Variants in GRK4 observed in about 807,000 individuals in gnomAD.
The protein encoded by GRK4 is G protein-coupled receptor kinase 4.
A neutral mutation model predicts 77.9 loss-of-function variants in GRK4; 73 were observed. The ratio of observed to expected loss-of-function variants is 0.94; its 90% CI spans 0.78 to 1.14. The LOEUF (loss-of-function observed/expected upper bound fraction) is 1.14. Among genes scored for constraint, GRK4 ranks in the 50% most tolerant of loss-of-function variants. The pLI is 0.00. For missense variants in GRK4, 729 were observed against 700.2 expected (o/e 1.04, Z -0.46); for synonymous variants, 257 against 254.4 (o/e 1.01, Z -0.10).
At chr4:3,013,900 CA>C in intron 8 of GRK4, 72 bp downstream of exon 8, 3 of 1,475,288 alleles carry the variant, frequency 2.0e-6, no homozygotes, top group Non-Finnish European at 2.7e-6. Flanking sequence ...ACATGCCGCT[CA>C]GCTCACGCTC....
Position 3,035,381 on chromosome 4 carries a change from T to C in GRK4, c.1270-5T>C. On this transcript the variant is annotated splice_polypyrimidine_tract_variant and splice_region_variant and intron_variant, in intron 12 of 15. Coordinates refer to ENST00000398052, the MANE Select transcript of GRK4 (RefSeq NM_182982.3). ...TCAAGTGGGTTGCATTTCTGCCTCT[T>C]GCAGTTACTCACCAAGAATCCAAGC... 6.2e-7 allele frequency: 1 copy of C among 1,613,934 alleles called. No homozygotes were observed. Among genetic ancestry groups the C allele is most frequent in the Non-Finnish European group, 8.5e-7 (1 of 1,179,974 alleles).
intron 11 of GRK4, 149 bp downstream of exon 11, chr4:3,028,150 A>G (rs1047377533): frequency 2.9e-6 from 2 of 681,528 alleles, no homozygotes; most frequent in Non-Finnish European, 5.2e-6. Flanking sequence ...CTAACCTGTC[A>G]GAGTGTTGAG....
intron 11 of GRK4, among the ~76,000 whole-genome samples, chr4:3,028,562 G>A (rs544992573): frequency 2.2e-4 from 33 of 152,324 alleles, no homozygotes; most frequent in African/African-American, 6.5e-4. Flanking sequence ...CCCTTCAGGA[G>A]GTGGAGCCTT....
In GRK4 at chr4:3,007,115, T is replaced by C. The variant is rs183070060; in HGVS notation, c.444-621T>C. 1.8e-3 allele frequency among the ~76,000 whole-genome samples: 279 copies of C among 151,954 alleles called. 1 individual carries two copies. Among genetic ancestry groups the C allele is most frequent in the African/African-American group, 6.6e-3 (274 of 41,398 alleles). On this transcript the variant is annotated intron_variant, in intron 5 of 15. Transcript: ENST00000398052. ...GCTTTGGGAGGCTGAGATGGGAGGATTGCTTGAGGCCAGGAGTTCAAGGCT... is the reference window on the plus strand; with the variant it reads ...GCTTTGGGAGGCTGAGATGGGAGGACTGCTTGAGGCCAGGAGTTCAAGGCT...
intron 13 of GRK4, among the ~76,000 whole-genome samples, chr4:3,037,073 G>A (rs147338313): frequency 8.3e-6 from 1 of 119,892 alleles, no homozygotes; most frequent in African/African-American, 3.9e-5. Flanking sequence ...GTGTGTGTAT[G>A]TGTGTGTGTA....
chr4:3,020,075 A>G (rs1224489967), intron 9 of GRK4, among the ~76,000 whole-genome samples: 1 of 151,996 alleles, frequency 6.6e-6, no homozygotes, highest in Non-Finnish European at 1.5e-5. Context: ...CTGGAGTGCA[A>G]TGGCACAATC....
rs778283499 is a variant in GRK4 at position 3,019,625 on chromosome 4, A to T, written c.742-16A>T. The T allele has an allele frequency of 6.3e-7, 1 of 1,585,700 alleles. No individual in the cohort carries two copies. Among genetic ancestry groups the T allele is most frequent in the Non-Finnish European group, 8.6e-7 (1 of 1,163,864 alleles). ...AGCAAGTTCGTGTTCTGTTTTTATG[A>T]TGTTGCTGTCTTTAGGTTAGTTTAG... On this transcript the variant is annotated splice_polypyrimidine_tract_variant and intron_variant, in intron 8 of 15. Transcript: ENST00000398052.
intron 3 of GRK4, among the ~76,000 whole-genome samples, chr4:2,991,988 A>G (rs901486662): frequency 1.2e-4 from 16 of 131,190 alleles, no homozygotes; most frequent in Admixed American, 5.8e-4. Flanking sequence ...GACTCTGAGG[A>G]TATCAAACCA....
chr4:3,025,547 G>A (rs1395297129), intron 10 of GRK4, among the ~76,000 whole-genome samples: 1 of 150,958 alleles, frequency 6.6e-6, no homozygotes, highest in Admixed American at 6.6e-5. Flanking sequence ...CCGCCACCAC[G>A]CCCGGCTAAT....
At chr4:2,972,078 G>A (rs1485073827) in intron 1 of GRK4, among the ~76,000 whole-genome samples, 1 of 152,144 alleles carries the variant, frequency 6.6e-6, no homozygotes, top group African/African-American at 2.4e-5. Flanking sequence ...ACCTGTAACA[G>A]GTACCTCTGA....
At chr4:3,035,932 C>T (rs999590114) in intron 13 of GRK4, among the ~76,000 whole-genome samples, 1 of 152,096 alleles carries the variant, frequency 6.6e-6, no homozygotes, top group African/African-American at 2.4e-5. Flanking sequence ...GTCAGCCTCA[C>T]TGCTGGGGGA....
intron 1 of GRK4, among the ~76,000 whole-genome samples, chr4:2,981,093 G>A (rs555220495): frequency 9.8e-5 from 15 of 152,352 alleles, no homozygotes; most frequent in African/African-American, 3.1e-4. Context: ...CAGGGAATGC[G>A]GTGGCGCCCA....
chr4:3,034,505 T>C (rs964023277), intron 12 of GRK4, among the ~76,000 whole-genome samples: 1 of 152,190 alleles, frequency 6.6e-6, no homozygotes, highest in African/African-American at 2.4e-5. Flanking sequence ...AGCCCAGGTC[T>C]AGGTCACGTT....
intron 8 of GRK4, among the ~76,000 whole-genome samples, chr4:3,017,020 C>T (rs1175174590): frequency 6.6e-6 from 1 of 152,242 alleles, no homozygotes. Flanking sequence ...AGTAATGCCT[C>T]TCCCTGGAGC....
At chr4:3,036,101 A>G (rs1435429935) in intron 13 of GRK4, among the ~76,000 whole-genome samples, 2 of 152,222 alleles carry the variant, frequency 1.3e-5, no homozygotes, top group Non-Finnish European at 2.9e-5. Context: ...GATTACAGGC[A>G]TGAGCCACTA....
intron 4 of GRK4, among the ~76,000 whole-genome samples, chr4:2,993,393 G>A (rs111580457): frequency 1.3e-5 from 2 of 152,194 alleles, no homozygotes; most frequent in African/African-American, 4.8e-5. Context: ...ACTGCTCTAG[G>A]CCAGGTGTGG....
chr4:3,006,302 C>T (rs1407179218), intron 5 of GRK4, among the ~76,000 whole-genome samples: 1 of 151,332 alleles, frequency 6.6e-6, no homozygotes, highest in Non-Finnish European at 1.5e-5. Flanking sequence ...ATCGCCTGAA[C>T]CCAGGAGGTG....
intron 13 of GRK4, among the ~76,000 whole-genome samples, chr4:3,036,729 G>T (rs763306489): frequency 6.6e-6 from 1 of 152,204 alleles, no homozygotes; most frequent in Non-Finnish European, 1.5e-5. Flanking sequence ...CTGATTCAGG[G>T]AGCTGAGCGG....
chr4:2,986,557 G>A lies in GRK4; in HGVS notation c.148+1949G>A, dbSNP rs151046166. ...TTTTAGTAGAGACTGGGTTTCACCAGGTTGGCCAGGATGGTCTCAATTTCT... is the reference window on the plus strand; with the variant it reads ...TTTTAGTAGAGACTGGGTTTCACCAAGTTGGCCAGGATGGTCTCAATTTCT... On this transcript the variant is annotated intron_variant, in intron 2 of 15. Transcript: ENST00000398052. Among the ~76,000 whole-genome samples the A allele has an allele frequency of 2.5e-3, 373 of 151,330 alleles. 4 individuals are homozygous for A. The highest frequency in any genetic ancestry group is 8.8e-3 in the African/African-American group (365 of 41,250).
Sources: gnomAD v4.1 joint callset for allele counts (sites outside exome capture counted in the v4.1 genomes callset) on GRCh38, gnomAD v4.1.1 for gene constraint, MANE v1.5 for transcripts, NCBI Gene and HGNC (gene_info 2026-07-23, HGNC 2026-07-21) for gene names.